Variants in NSMCE2 observed in about 807,000 individuals in gnomAD.
NSMCE2 encodes E3 SUMO-protein ligase NSE2.
Under a neutral mutation model 23.8 loss-of-function variants are expected in NSMCE2, and 24 were observed. The ratio of observed to expected loss-of-function variants is 1.01; its 90% CI spans 0.73 to 1.42. The LOEUF (loss-of-function observed/expected upper bound fraction) is 1.42, where lower values mean the gene tolerates loss of function less well. Among genes scored for constraint, NSMCE2 ranks in the 40% most tolerant of loss-of-function variants. The probability of loss-of-function intolerance (pLI) is 0.00; values close to 1 mark genes in which losing one functional copy is unlikely to be tolerated. For synonymous variants in NSMCE2, 92 were observed against 94.1 expected, an observed-to-expected ratio of 0.98 and a Z score of 0.13; for missense variants, 284 against 296.5, an observed-to-expected ratio of 0.96 and a Z score of 0.31.
intron 5 of NSMCE2, among the ~76,000 whole-genome samples, chr8:125,231,032 A>G (rs1825299748): frequency 6.6e-6 from 1 of 152,224 alleles, no homozygotes; most frequent in Non-Finnish European, 1.5e-5. Flanking sequence ...TAAAAATTCT[A>G]GTATCTGATT....
chr8:125,246,218 C>G (rs1339614522), intron 5 of NSMCE2, among the ~76,000 whole-genome samples: 1 of 151,262 alleles, frequency 6.6e-6, no homozygotes, highest in African/African-American at 2.4e-5. Flanking sequence ...CTCACTCACT[C>G]TATCACCCAG....
chr8:125,184,412 A>G (rs1421610671), intron 5 of NSMCE2, among the ~76,000 whole-genome samples: 1 of 152,160 alleles, frequency 6.6e-6, no homozygotes, highest in African/African-American at 2.4e-5. Context: ...CCACCAGTAC[A>G]CATTATTTGG....
intron 5 of NSMCE2, among the ~76,000 whole-genome samples, chr8:125,236,877 C>T (rs555555124): frequency 3.3e-5 from 5 of 151,548 alleles, no homozygotes; most frequent in East Asian, 1.9e-4. Flanking sequence ...AGACCTGTCA[C>T]GTTTATTTTT....
chr8:125,326,949 T>A, intron 5 of NSMCE2, among the ~76,000 whole-genome samples: 1 of 107,556 alleles, frequency 9.3e-6, no homozygotes, highest in African/African-American at 3.7e-5. Flanking sequence ...TGAGCAAAAC[T>A]CCATTTCAAA....
chr8:125,159,324 G>C (rs1821481707), intron 4 of NSMCE2, among the ~76,000 whole-genome samples: 1 of 152,196 alleles, frequency 6.6e-6, no homozygotes, highest in African/African-American at 2.4e-5. Context: ...CAGTTAACGA[G>C]GGGCCATACA....
At chr8:125,136,918 C>G (rs985510254) in intron 3 of NSMCE2, among the ~76,000 whole-genome samples, 2 of 152,040 alleles carry the variant, frequency 1.3e-5, no homozygotes, top group Non-Finnish European at 1.5e-5. Context: ...TGTGAGACAT[C>G]TTTTCAGAAA....
chr8:125,191,666 G>A (rs1254053168), intron 5 of NSMCE2, among the ~76,000 whole-genome samples: 1 of 152,180 alleles, frequency 6.6e-6, no homozygotes, highest in Non-Finnish European at 1.5e-5. Context: ...TAAGAATTAT[G>A]TTTCTGGTGG....
chr8:125,226,855 G>T (rs891822617), intron 5 of NSMCE2, among the ~76,000 whole-genome samples: 1 of 152,020 alleles, frequency 6.6e-6, no homozygotes, highest in African/African-American at 2.4e-5. Flanking sequence ...TTCTCCCTTA[G>T]TTTCCTCTTT....
chr8:125,281,912 A>G (rs573012023), intron 5 of NSMCE2, among the ~76,000 whole-genome samples: 7 of 152,124 alleles, frequency 4.6e-5, no homozygotes, highest in South Asian at 2.1e-4. Flanking sequence ...GAAGGCTCCA[A>G]TATACTTCCT....
intron 5 of NSMCE2, among the ~76,000 whole-genome samples, chr8:125,189,857 AT>A (rs1330177245): frequency 6.6e-6 from 1 of 152,218 alleles, no homozygotes; most frequent in Non-Finnish European, 1.5e-5. Flanking sequence ...AGCAATACAC[AT>A]TTTTTAATAT....
chr8:125,102,468 G>T lies in NSMCE2; in HGVS notation c.138G>T (p.Leu46Phe). 6.2e-7 allele frequency: 1 copy of T among 1,613,788 alleles called. No individual in the cohort carries two copies. The change falls in exon 3 of 8, where the codon TTG becomes TTT. Residue 46 changes from leucine to phenylalanine, a missense_variant. Leu to Phe is a conservative substitution (Grantham distance 22, BLOSUM62 0). Coordinates refer to ENST00000287437, the MANE Select transcript of NSMCE2 (RefSeq NM_173685.4). ...SGMDTASSVA[L>F]DLVESQTEVS... is the part of the protein sequence containing the mutation. ...TGGACACAGCTTCTAGTGTTGCTTT[G>T]GATCTTGTGGAAAGTCAGAGTAAGT...
Position 125,290,406 on chromosome 8 carries a change from C to T in NSMCE2, c.419-66813C>T, listed in dbSNP as rs1480188087. Among the ~76,000 whole-genome samples, 5 of 152,000 alleles carry T rather than the reference C, an allele frequency of 3.3e-5. No individual in the cohort carries two copies. The East Asian group carries it at 9.6e-4, about 29-fold the overall frequency. ...CTAGGAACAAGAATCTAAAAGGAGG[C>T]CCTTTTGGTCTTTCTCAGACCATAA... On this transcript the variant is annotated intron_variant, in intron 5 of 7. Transcript: ENST00000287437.
rs1829382954 is a variant in NSMCE2 at position 125,320,247 on chromosome 8, G to GGAA, written c.419-36971_419-36970insAAG. 1.3e-4 allele frequency among the ~76,000 whole-genome samples: 6 copies of GGAA among 44,662 alleles called. No individual in the cohort carries two copies. In the South Asian group the frequency reaches 4.3e-3, roughly 32 times the overall value. 29.3% of individuals were successfully genotyped at this position (44,662 alleles called of 152,430 possible). A position where few individuals can be genotyped will look rare whatever the true frequency, so the allele number is the denominator to read the frequency against. ...GGGAGGGAGGGAAGGGAGGGAGGGA[G>GGAA]GGAGGGAAGGAAGGAAGGAAGGAAG... is the stretch of plus-strand genomic sequence containing the variant. On this transcript the variant is annotated intron_variant, in intron 5 of 7. Coordinates refer to ENST00000287437, the MANE Select transcript of NSMCE2 (RefSeq NM_173685.4).
At chr8:125,343,154 G>A (rs11996045) in intron 5 of NSMCE2, among the ~76,000 whole-genome samples, 4,969 of 152,174 alleles carry the variant, frequency 0.033, 257 homozygotes, top group African/African-American at 0.11. Context: ...CCTATGGGGC[G>A]ACATATTTGA....
chr8:125,092,052 C>G (rs577454648), intron 1 of NSMCE2, 94 bp downstream of exon 1: 3 of 152,306 alleles, frequency 2.0e-5, no homozygotes, highest in Admixed American at 6.5e-5. Context: ...GGGGGTCCGT[C>G]TACCCGGATT....
At chr8:125,229,147 C>T (rs948608939) in intron 5 of NSMCE2, among the ~76,000 whole-genome samples, 6 of 151,996 alleles carry the variant, frequency 3.9e-5, no homozygotes, top group African/African-American at 1.2e-4. Context: ...GGAAGCAAGA[C>T]AAGATAGAAG....
At chr8:125,192,128 A>C (rs1256842701) in intron 5 of NSMCE2, among the ~76,000 whole-genome samples, 3 of 152,170 alleles carry the variant, frequency 2.0e-5, no homozygotes, top group African/African-American at 7.2e-5. Context: ...CACACTCAGA[A>C]AGTAGCCTGA....
chr8:125,224,278 G>T (rs1261820789), intron 5 of NSMCE2, among the ~76,000 whole-genome samples: 1 of 152,146 alleles, frequency 6.6e-6, no homozygotes, highest in Non-Finnish European at 1.5e-5. Context: ...TCATTCTGTT[G>T]TTTCCTTTAC....
rs114718145 is a variant in NSMCE2, at chr8:125,357,667, T to C, written c.520-45T>C. ...ACTAGGACGAAACAGCTACTGGAAGTTGATCATTATCATTCCTGAAAGCCC... is the reference window on the plus strand; with the variant it reads ...ACTAGGACGAAACAGCTACTGGAAGCTGATCATTATCATTCCTGAAAGCCC... On this transcript the variant is annotated intron_variant, in intron 6 of 7. Transcript: ENST00000287437. The C allele has an allele frequency of 2.3e-3, 3,282 of 1,409,658 alleles. 69 individuals are homozygous for C. In the African/African-American group the frequency reaches 0.039, roughly 17 times the overall value. 87.3% of individuals were successfully genotyped at this position (1,409,658 alleles called of 1,614,324 possible).
Sources: gnomAD v4.1 joint callset for allele counts (sites outside exome capture counted in the v4.1 genomes callset) on GRCh38, gnomAD v4.1.1 for gene constraint, MANE v1.5 for transcripts, NCBI Gene and HGNC (gene_info 2026-07-23, HGNC 2026-07-21) for gene names.